RHCE: variants seen among roughly 807,000 people sequenced by gnomAD.
RHCE encodes the protein blood group Rh(CE) polypeptide.
In RHCE, 22 loss-of-function variants were observed where a neutral mutation model predicts 43.8. The ratio of observed to expected loss-of-function variants is 0.50; its 90% CI spans 0.36 to 0.72. The LOEUF is 0.72. Ranked by LOEUF, RHCE falls within the 30% of genes least tolerant of loss-of-function variation. RHCE has a pLI of 0.00. For synonymous variants in RHCE, 156 were observed against 210.7 expected (o/e 0.74, Z 2.25); for missense variants, 385 against 525.4 (o/e 0.73, Z 2.61).
In RHCE at chr1:25,408,763, C is replaced by T. The variant is rs1375801373; in HGVS notation, c.255G>A (p.Ala85=). Reference sequence around the variant, plus strand: ...GCAGGATTGCCCACTGCACACCAAGCGCCAGCATGAAGAGGTTGAAGGCCA... The same window carrying T: ...GCAGGATTGCCCACTGCACACCAAGTGCCAGCATGAAGAGGTTGAAGGCCA... The part of the protein sequence containing the change: ...SSVAFNLFML[A]LGVQWAILLD... The change falls in exon 2 of 10, where the codon GCG becomes GCA. Residue 85 remains alanine (A), a synonymous_variant. Coordinates refer to ENST00000294413, the MANE Select transcript of RHCE (RefSeq NM_020485.8). The T allele has an allele frequency of 3.9e-6, 5 of 1,282,378 alleles. No homozygotes were observed. The highest frequency in any genetic ancestry group is 2.8e-5 in the African/African-American group (2 of 72,490). The allele number at this position is 1,282,378 out of a possible 1,614,324, so 79.4% of individuals were successfully genotyped here.
rs1053372 is a variant in RHCE at position 25,385,795 on chromosome 1, G to A, written c.989C>T (p.Ser330Phe). The stretch of plus-strand genomic sequence containing the variant: ...AAGCAGACCCAGCAAGCTGAAGATG[G>A]AGTGCATGACGGAGATGTGGTGAAT... ...LGIHHISVMH[S>F]IFSLLGLLGE... is the part of the protein sequence containing the mutation. The change falls in exon 7 of 10, where the codon TCC (serine) becomes TTC (phenylalanine). Residue 330 changes from serine to phenylalanine, a missense_variant. This residue lies in a region of RHCE where 82 missense variants were observed against 69.2 expected (regional missense o/e 1.18). Transcript: ENST00000294413. The A allele has an allele frequency of 6.2e-7, 1 of 1,613,984 alleles. No homozygotes were observed. The highest frequency in any genetic ancestry group is 2.2e-5 in the East Asian group (1 of 44,832).
intron 1 of RHCE, among the ~76,000 whole-genome samples, chr1:25,412,738 A>AAAT (rs1647131648): frequency 6.7e-6 from 1 of 149,692 alleles, no homozygotes; most frequent in African/African-American, 2.5e-5. Flanking sequence ...AAAAAAAAAA[A>AAAT]AAAAGGCCGG....
intron 6 of RHCE, 120 bp downstream of exon 6, chr1:25,388,856 A>C (rs1289488970): frequency 6.5e-7 from 1 of 1,533,198 alleles, no homozygotes; most frequent in East Asian, 2.3e-5. Flanking sequence ...CGTTGAAGCC[A>C]ATAAGAGAAT....
At chr1:25,381,115 TCA>T (rs1287613200) in intron 7 of RHCE, among the ~76,000 whole-genome samples, 4 of 152,150 alleles carry the variant, frequency 2.6e-5, no homozygotes. Flanking sequence ...GGTCACACTC[TCA>T]GTTTTCTCAG....
chr1:25,369,462 G>A (rs564654617), intron 9 of RHCE, among the ~76,000 whole-genome samples: 3 of 151,642 alleles, frequency 2.0e-5, no homozygotes, highest in Admixed American at 1.3e-4. Flanking sequence ...AGAGTGCTGC[G>A]TGAACTATGA....
At chr1:25,411,805 C>T (rs951544109) in intron 1 of RHCE, among the ~76,000 whole-genome samples, 12 of 152,188 alleles carry the variant, frequency 7.9e-5, no homozygotes, top group Non-Finnish European at 1.6e-4. Context: ...CATGTGGGAG[C>T]AGTGAGGCTT....
rs1010117138 is a variant in RHCE, at chr1:25,411,398, T to C, written c.149-2529A>G. On this transcript the variant is annotated intron_variant, in intron 1 of 9. Coordinates refer to ENST00000294413, the MANE Select transcript of RHCE (RefSeq NM_020485.8). ...AATGAGAAGCTCTCATTACTGGAAC[T>C]CTCCAAAGTCTCAGAAAAAGTCTTT... 1.2e-5 allele frequency: 18 copies of C among 1,550,306 alleles called. No homozygotes were observed. The African/African-American group carries it at 1.4e-4, about 12-fold the overall frequency.
At chr1:25,411,239 A>G in intron 1 of RHCE, 1 of 1,427,228 alleles carries the variant, frequency 7.0e-7, no homozygotes, top group East Asian at 2.5e-5. Context: ...GGACATCCGA[A>G]GGAAATAATG....
chr1:25,394,633 G>GT (rs1466644601), intron 3 of RHCE, among the ~76,000 whole-genome samples: 1 of 152,084 alleles, frequency 6.6e-6, no homozygotes, highest in Non-Finnish European at 1.5e-5. Flanking sequence ...CACGAGAGTT[G>GT]TATTTTCCAC....
At chr1:25,411,092 A>AAAAT (rs375989102) in intron 1 of RHCE, among the ~76,000 whole-genome samples, 10,124 of 151,434 alleles carry the variant, frequency 0.067, 1,135 homozygotes, top group African/African-American at 0.22. Context: ...ACTCTGTCTC[A>AAAAT]AAATAAATAA....
At chr1:25,418,247 G>A (rs1256735857) in intron 1 of RHCE, among the ~76,000 whole-genome samples, 3 of 152,238 alleles carry the variant, frequency 2.0e-5, no homozygotes, top group Middle Eastern at 3.4e-3. Context: ...GGCTGGTCTC[G>A]AACTCCTGAC....
intron 6 of RHCE, among the ~76,000 whole-genome samples, chr1:25,387,771 G>A (rs548929678): frequency 1.3e-5 from 2 of 151,938 alleles, no homozygotes; most frequent in Admixed American, 1.3e-4. Flanking sequence ...TGCTGCAAAT[G>A]ACAGGATTTC....
At chr1:25,370,406 C>A (rs1237182915) in intron 9 of RHCE, 61 bp downstream of exon 9, 19 of 1,386,892 alleles carry the variant, frequency 1.4e-5, no homozygotes, top group Non-Finnish European at 1.9e-5. Flanking sequence ...CATATATACC[C>A]AGGTATGTTT....
At chr1:25,426,144 C>G (rs565021241) in intron 2 of RHCE, among the ~76,000 whole-genome samples, 3 of 152,316 alleles carry the variant, frequency 2.0e-5, no homozygotes, top group African/African-American at 7.2e-5. Flanking sequence ...TAAATGTTAG[C>G]AATTATGATT....
chr1:25,423,567 T>C (rs1253001491), upstream of RHCE, among the ~76,000 whole-genome samples: 1 of 152,192 alleles, frequency 6.6e-6, no homozygotes, highest in Non-Finnish European at 1.5e-5. Flanking sequence ...AATGCTTTCA[T>C]TAAAAAAGGG....
At chr1:25,422,835 C>T (rs564989408), upstream of RHCE, among the ~76,000 whole-genome samples, 5 of 152,142 alleles carry the variant, frequency 3.3e-5, no homozygotes, top group Non-Finnish European at 7.3e-5. Flanking sequence ...GATCATCAGG[C>T]ATTAGTTAGA....
intron 2 of RHCE, among the ~76,000 whole-genome samples, chr1:25,428,081 C>T (rs747402905): frequency 7.2e-5 from 11 of 152,196 alleles, no homozygotes; most frequent in Admixed American, 3.3e-4. Context: ...CCAGCCACTC[C>T]GCACTTTTGC....
chr1:25,411,382 C>T, intron 1 of RHCE: 2 of 1,550,500 alleles, frequency 1.3e-6, no homozygotes, highest in Non-Finnish European at 1.7e-6. Context: ...CAATGAGAAG[C>T]TCTCATTACT....
At chr1:25,402,206 G>GTCTGTCTATCTA (rs796249762) in intron 3 of RHCE, among the ~76,000 whole-genome samples, 4,626 of 130,280 alleles carry the variant, frequency 0.036, 66 homozygotes, top group African/African-American at 0.049. Context: ...CTGTCTGTCT[G>GTCTGTCTATCTA]TCTATCTATC....
Sources: gnomAD v4.1 joint callset for allele counts (sites outside exome capture counted in the v4.1 genomes callset) on GRCh38, gnomAD v4.1.1 for gene constraint, gnomAD v4.1.1 regional missense constraint, MANE v1.5 for transcripts, NCBI Gene and HGNC (gene_info 2026-07-23, HGNC 2026-07-21) for gene names.